Variants in SLC25A21 observed in about 807,000 individuals in gnomAD.
SLC25A21 encodes mitochondrial 2-oxodicarboxylate carrier.
SLC25A21 carries 47 observed loss-of-function variants against 43.8 expected under a neutral mutation model. The ratio of observed to expected loss-of-function variants is 1.07; its 90% confidence interval spans 0.85 to 1.37. SLC25A21 has a LOEUF of 1.37. Among genes scored for constraint, SLC25A21 ranks in the 40% most tolerant of loss-of-function variants. The probability of loss-of-function intolerance (pLI) is 0.00; values close to 1 mark genes in which losing one functional copy is unlikely to be tolerated. For synonymous variants in SLC25A21, 131 were observed against 121.3 expected (o/e 1.08, Z -0.52); for missense variants, 352 against 350.2 (o/e 1.00, Z -0.04).
chr14:36,998,803 T>A (rs1365844705), intron 1 of SLC25A21, among the ~76,000 whole-genome samples: 1 of 151,586 alleles, frequency 6.6e-6, no homozygotes, highest in African/African-American at 2.4e-5. Context: ...GGAAAAAATG[T>A]CCCACACCAT....
intron 7 of SLC25A21, among the ~76,000 whole-genome samples, chr14:36,703,760 G>C (rs1323045732): frequency 6.6e-6 from 1 of 152,170 alleles, no homozygotes; most frequent in Admixed American, 6.5e-5. Flanking sequence ...GTATTTTAAT[G>C]ATTTTTATTT....
intron 1 of SLC25A21, among the ~76,000 whole-genome samples, chr14:36,985,921 T>A (rs1378975979): frequency 6.6e-6 from 1 of 152,146 alleles, no homozygotes; most frequent in Non-Finnish European, 1.5e-5. Flanking sequence ...GAGAGTTCCT[T>A]CAAATTATTT....
intron 7 of SLC25A21, among the ~76,000 whole-genome samples, chr14:36,707,254 G>T (rs113973537): frequency 5.9e-5 from 9 of 152,220 alleles, no homozygotes; most frequent in African/African-American, 1.9e-4. Flanking sequence ...TTTATACTGG[G>T]GGAATTTCTC....
intron 1 of SLC25A21, among the ~76,000 whole-genome samples, chr14:36,994,617 T>C (rs1960332829): frequency 6.6e-6 from 1 of 152,120 alleles, no homozygotes. Context: ...CTAGGGTTAT[T>C]AGGTGAACCC....
intron 1 of SLC25A21, among the ~76,000 whole-genome samples, chr14:37,143,196 A>T (rs1247457604): frequency 6.6e-6 from 1 of 152,220 alleles, no homozygotes; most frequent in African/African-American, 2.4e-5. Flanking sequence ...AAAAGTTTGG[A>T]CAAAAAGGGA....
At chr14:36,775,699 G>A (rs1161719087) in intron 3 of SLC25A21, among the ~76,000 whole-genome samples, 1 of 152,102 alleles carries the variant, frequency 6.6e-6, no homozygotes, top group African/African-American at 2.4e-5. Flanking sequence ...CCCAAATAGA[G>A]GGGCACTCAC....
chr14:36,959,007 C>G (rs1477827732), intron 1 of SLC25A21, among the ~76,000 whole-genome samples: 1 of 152,168 alleles, frequency 6.6e-6, no homozygotes, highest in Non-Finnish European at 1.5e-5. Context: ...TGGTTCCACC[C>G]TATTCAAGCA....
intron 3 of SLC25A21, among the ~76,000 whole-genome samples, chr14:36,794,629 G>A (rs940535776): frequency 3.9e-5 from 6 of 152,062 alleles, no homozygotes; most frequent in East Asian, 1.9e-4. Flanking sequence ...TTAGCCAGGT[G>A]TGGGTGGCGC....
chr14:37,063,915 C>T (rs1465080072), intron 1 of SLC25A21, among the ~76,000 whole-genome samples: 3 of 152,196 alleles, frequency 2.0e-5, no homozygotes, highest in African/African-American at 7.2e-5. Flanking sequence ...ACCACCACCC[C>T]TTGTGCCATT....
At chr14:36,983,816 A>C (rs1960084624) in intron 1 of SLC25A21, among the ~76,000 whole-genome samples, 1 of 152,188 alleles carries the variant, frequency 6.6e-6, no homozygotes, top group Admixed American at 6.5e-5. Context: ...GCCCTAAATA[A>C]GAATGGAATC....
chr14:36,869,496 AC>A (rs1011401033), intron 2 of SLC25A21, among the ~76,000 whole-genome samples: 1 of 152,148 alleles, frequency 6.6e-6, no homozygotes, highest in Non-Finnish European at 1.5e-5. Context: ...GCCAGGAAAG[AC>A]CCTGGGATAT....
chr14:37,141,410 G>A (rs936885079), intron 1 of SLC25A21, among the ~76,000 whole-genome samples: 2 of 152,130 alleles, frequency 1.3e-5, no homozygotes, highest in African/African-American at 2.4e-5. Flanking sequence ...AACAACCACA[G>A]ACATGATCTA....
At chr14:37,148,864 G>C (rs1269415119) in intron 1 of SLC25A21, among the ~76,000 whole-genome samples, 1 of 152,196 alleles carries the variant, frequency 6.6e-6, no homozygotes, top group East Asian at 1.9e-4. Flanking sequence ...CCTCTTTGCA[G>C]AGTGAAATGG....
Position 36,813,939 on chromosome 14 carries a change from C to T in SLC25A21, c.182G>A (p.Arg61Gln), listed in dbSNP as rs147035536. The T allele has an allele frequency of 1.5e-4, 246 of 1,607,420 alleles. 1 individual carries two copies. In the African/African-American group the frequency reaches 2.1e-3, roughly 14 times the overall value. ...ATACCCTTCCATTTGGAAAATCATTCGAAAGCTGTCTACCAAGCTTTTATA... is the reference window on the plus strand; with the variant it reads ...ATACCCTTCCATTTGGAAAATCATTTGAAAGCTGTCTACCAAGCTTTTATA... ...NSYKSLVDSF[R>Q]MIFQMEGLFG... The change falls in exon 3 of 10, where the codon CGA becomes CAA. Residue 61 changes from arginine (R) to glutamine (Q), a missense_variant. Arg to Gln is a conservative substitution (Grantham distance 43). Transcript: ENST00000331299.
intron 1 of SLC25A21, among the ~76,000 whole-genome samples, chr14:37,000,302 A>G (rs1434542451): frequency 6.6e-6 from 1 of 152,130 alleles, no homozygotes; most frequent in African/African-American, 2.4e-5. Flanking sequence ...GCCTATTTCA[A>G]TAGCCTTCTA....
At chr14:37,036,697 C>T (rs1393763973) in intron 1 of SLC25A21, among the ~76,000 whole-genome samples, 1 of 152,220 alleles carries the variant, frequency 6.6e-6, no homozygotes, top group African/African-American at 2.4e-5. Context: ...CCATTCCCCA[C>T]ACTTCCAAAA....
chr14:36,743,624 AGGAACAAGACAAGGAT>A (rs1299066013), intron 3 of SLC25A21, among the ~76,000 whole-genome samples: 1 of 152,094 alleles, frequency 6.6e-6, no homozygotes, highest in Non-Finnish European at 1.5e-5. Context: ...GAACAAGACA[AGGAACAAGACAAGGAT>A]GGAACAAGAC....
At chr14:37,043,413 C>T (rs1961515798) in intron 1 of SLC25A21, among the ~76,000 whole-genome samples, 2 of 152,224 alleles carry the variant, frequency 1.3e-5, no homozygotes, top group African/African-American at 2.4e-5. Context: ...TCCACACACT[C>T]CAGTCTGAGC....
chr14:36,712,812 A>T (rs1315530815), intron 6 of SLC25A21, among the ~76,000 whole-genome samples: 1 of 152,250 alleles, frequency 6.6e-6, no homozygotes, highest in Non-Finnish European at 1.5e-5. Flanking sequence ...TGAAGGTTAA[A>T]GTTTACTTTC....
Sources: allele counts gnomAD v4.1 joint callset (sites outside exome capture counted in the v4.1 genomes callset), GRCh38; gene constraint gnomAD v4.1.1; transcripts MANE v1.5; gene names NCBI Gene and HGNC (gene_info 2026-07-23, HGNC 2026-07-21).